The following BRSK1 variants were observed in gnomAD, a reference collection of about 807,000 sequenced individuals.
BRSK1 encodes the protein BR serine/threonine kinase 1.
BRSK1 carries 17 observed loss-of-function variants against 86.2 expected under a neutral mutation model. That is an observed-to-expected ratio of 0.20 (90% CI 0.14 to 0.30). The LOEUF is 0.30. BRSK1 is among the 10% of genes least tolerant of loss of function. The pLI is 1.00. For synonymous variants in BRSK1, 464 were observed against 440.1 expected (o/e 1.05, Z -0.68); for missense variants, 719 against 1,071.9 (o/e 0.67, Z 4.60).
At chr19:55,285,940 C>A (rs919796733) in intron 1 of BRSK1, among the ~76,000 whole-genome samples, 9 of 151,006 alleles carry the variant, frequency 6.0e-5, no homozygotes, top group Non-Finnish European at 1.2e-4. Context: ...AGGGGTCAGA[C>A]CTGGACTGGG....
At chr19:55,296,223 G>A (rs886069938) in intron 7 of BRSK1, among the ~76,000 whole-genome samples, 1 of 151,988 alleles carries the variant, frequency 6.6e-6, no homozygotes, top group Admixed American at 6.6e-5. Context: ...TTGTCGCTGT[G>A]CATTTTGTTG....
rs1367719980 is a variant in BRSK1, at chr19:55,284,098, G to A, written c.-345G>A. 7 of 321,276 alleles carry A rather than the reference G, an allele frequency of 2.2e-5. No homozygotes were observed. The highest frequency in any genetic ancestry group is 3.8e-5 in the Non-Finnish European group (7 of 183,242). 19.9% of individuals were successfully genotyped at this position (321,276 alleles called of 1,614,324 possible). On this transcript the variant is annotated 5_prime_UTR_variant, in exon 1 of 19. Coordinates refer to ENST00000309383, the MANE Select transcript of BRSK1 (RefSeq NM_032430.2). ...AGAGGGCGCGTGGGGGGGCGGGGGGGACCTCGGCCTGCAGCATCCGCCGGC... is the reference window on the plus strand; with the variant it reads ...AGAGGGCGCGTGGGGGGGCGGGGGGAACCTCGGCCTGCAGCATCCGCCGGC...
At chr19:55,288,583 T>C (rs1390771565) in intron 3 of BRSK1, among the ~76,000 whole-genome samples, 1 of 151,832 alleles carries the variant, frequency 6.6e-6, no homozygotes, top group Non-Finnish European at 1.5e-5. Flanking sequence ...TTGGGGGTTT[T>C]TTTGTTGTTT....
chr19:55,311,575 G>C (rs951257362), intron 18 of BRSK1, among the ~76,000 whole-genome samples: 3 of 152,174 alleles, frequency 2.0e-5, no homozygotes, highest in East Asian at 1.9e-4. Context: ...GTCCTGGCAG[G>C]CTGTTTCCTA....
rs770275427 is a variant in BRSK1 at position 55,304,600 on chromosome 19, G to A, written c.1397G>A (p.Arg466Gln). 7.0e-6 allele frequency: 11 copies of A among 1,578,786 alleles called. No homozygotes were observed. The highest frequency in any genetic ancestry group is 1.2e-5 in the South Asian group (1 of 86,806). ...GAGCCGGGGGCTGGAGATGAGGCTC[G>A]AGGCGGGGGCTCCCCGACTTCCAAA... The part of the protein sequence containing the change: ...SPEPGAGDEA[R>Q]GGGSPTSKTQ... The change falls in exon 14 of 19, where the codon CGA becomes CAA. Residue 466 changes from arginine to glutamine, a missense_variant. Physicochemically the swap from Arg to Gln is conservative, Grantham distance 43. Around this residue, in one of 6 missense-constraint regions of BRSK1, gnomAD observed 143 missense variants for 120.1 expected, o/e 1.19. Transcript: ENST00000309383. This position sits in a 1 kb window ranked among gnomAD's most constrained non-coding sequence, Gnocchi z 5.2.
Position 55,287,676 on chromosome 19 carries a change from C to T in BRSK1, c.317+377C>T, listed in dbSNP as rs1438181881. Among the ~76,000 whole-genome samples the T allele has an allele frequency of 6.6e-6, 1 of 152,248 alleles. No homozygotes were observed. Among genetic ancestry groups the T allele is most frequent in the Non-Finnish European group, 1.5e-5 (1 of 68,044 alleles). On this transcript the variant is annotated intron_variant, in intron 3 of 18. Transcript: ENST00000309383. This position sits in a 1 kb window ranked among gnomAD's most constrained non-coding sequence, Gnocchi z 5.3. ...AGGGGCCTAGCAAAGCCCAAAGGAT[C>T]TTCCCAAACCCCAACTCTGGAGCAC...
At chr19:55,301,443 T>TC in intron 7 of BRSK1, 69 bp from the exon 8 acceptor site, 1 of 1,548,500 alleles carries the variant, frequency 6.5e-7, no homozygotes, top group Non-Finnish European at 8.8e-7. Context: ...TCACCGTAGT[T>TC]CCCCACCTCC....
In BRSK1 at chr19:55,306,398, G is replaced by A. The variant is rs766099214; in HGVS notation, c.2037G>A (p.Arg679=). 2 of 1,613,924 alleles carry A rather than the reference G, an allele frequency of 1.2e-6. No individual in the cohort carries two copies. The highest frequency in any genetic ancestry group is 1.7e-6 in the Non-Finnish European group (2 of 1,180,048). The change falls in exon 17 of 19, where the codon CGG becomes CGA. Residue 679 remains arginine, a synonymous_variant. Coordinates refer to ENST00000309383, the MANE Select transcript of BRSK1 (RefSeq NM_032430.2). The surrounding 1 kb of genome is among the most constrained non-coding windows in gnomAD (Gnocchi z 4.7). ...AGGGTCCAGAGCCCTCCCCGCGACG[G>A]GACGGCAGCGGAGGTGGTGGCATCT... is the stretch of plus-strand genomic sequence containing the variant. ...SSEGPEPSPR[R]DGSGGGGIYS...
chr19:55,295,133 T>C (rs943067984), intron 7 of BRSK1, among the ~76,000 whole-genome samples: 1 of 150,106 alleles, frequency 6.7e-6, no homozygotes, highest in African/African-American at 2.4e-5. Flanking sequence ...TTTTTATTTT[T>C]ATTTTTTGAG....
In BRSK1 at chr19:55,294,155, G is replaced by A. The variant is rs201059652; in HGVS notation, c.575+22G>A. The A allele has an allele frequency of 1.5e-4, 242 of 1,611,402 alleles. No homozygotes were observed. In the East Asian group the frequency reaches 4.9e-3, roughly 33 times the overall value. On this transcript the variant is annotated intron_variant, in intron 5 of 18. Coordinates refer to ENST00000309383, the MANE Select transcript of BRSK1 (RefSeq NM_032430.2). The surrounding 1 kb of genome is among the most constrained non-coding windows in gnomAD (Gnocchi z 4.9). Reference sequence around the variant, plus strand: ...GCGGGTGAGTGGGGACTGGGCTCCCGAGACCCTGGGCAGGGGTTTAGAAGC... The same window carrying A: ...GCGGGTGAGTGGGGACTGGGCTCCCAAGACCCTGGGCAGGGGTTTAGAAGC...
At chr19:55,301,691 A>G in intron 8 of BRSK1, 33 bp downstream of exon 8, 2 of 1,572,422 alleles carry the variant, frequency 1.3e-6, no homozygotes, top group Non-Finnish European at 1.7e-6. Context: ...GGAGGGGGGA[A>G]CAGTGGCCGA....
intron 3 of BRSK1, among the ~76,000 whole-genome samples, chr19:55,288,574 TG>T (rs2088357870): frequency 6.6e-6 from 1 of 151,290 alleles, no homozygotes. Context: ...GAAGGGAGTT[TG>T]GGGGTTTTTT....
intron 7 of BRSK1, among the ~76,000 whole-genome samples, chr19:55,300,497 C>T (rs987507257): frequency 6.6e-6 from 1 of 151,824 alleles, no homozygotes; most frequent in Non-Finnish European, 1.5e-5. Flanking sequence ...GAGGTCAGGA[C>T]TTCAAGACCA....
At position 55,302,355 on chromosome 19, in the gene BRSK1, G is replaced by C. The variant is rs1055389419; in HGVS notation, c.857+187G>C. 1 of 713,028 alleles carries C rather than the reference G, an allele frequency of 1.4e-6. No homozygotes were observed. The allele number at this position is 713,028 out of a possible 1,614,324, so 44.2% of individuals were successfully genotyped here. On this transcript the variant is annotated intron_variant, in intron 9 of 18. Coordinates refer to ENST00000309383, the MANE Select transcript of BRSK1 (RefSeq NM_032430.2). This position sits in a 1 kb window ranked among gnomAD's most constrained non-coding sequence, Gnocchi z 6.3. ...GGAGTCTAGGGGTCAGAGGCAGGAGGGGCTAAGCTAGGAGTCCAGGACTCC... is the reference window on the plus strand; with the variant it reads ...GGAGTCTAGGGGTCAGAGGCAGGAGCGGCTAAGCTAGGAGTCCAGGACTCC...
chr19:55,303,404 T>A lies in BRSK1; in HGVS notation c.1122T>A (p.Asp374Glu), dbSNP rs754489426. ...CEDQDLPPRN[D>E]VDPPRKRVDS... ...ACCAGGACCTGCCTCCCCGGAATGA[T>A]GTTGGTGAGAAGGCAGGGCTAGGGG... The change falls in exon 11 of 19, where the codon GAT becomes GAA. Residue 374 changes from aspartate (D) to glutamate (E), a missense_variant. Transcript: ENST00000309383. The surrounding 1 kb of genome is among the most constrained non-coding windows in gnomAD (Gnocchi z 5.1). 6.2e-7 allele frequency: 1 copy of A among 1,613,652 alleles called. No homozygotes were observed. The highest frequency in any genetic ancestry group is 1.1e-5 in the South Asian group (1 of 91,078).
chr19:55,305,179 G>A, intron 14 of BRSK1, 142 bp from the exon 15 acceptor site: 2 of 1,266,452 alleles, frequency 1.6e-6, no homozygotes, highest in South Asian at 2.7e-5. Context: ...CGTGGTTTGT[G>A]AGCCCCGCCC....
At chr19:55,284,627 G>A (rs1311980161) in intron 1 of BRSK1, 49 bp downstream of exon 1, 1 of 1,260,212 alleles carries the variant, frequency 7.9e-7, no homozygotes, top group Non-Finnish European at 1.0e-6. Context: ...GGGTGGAGGT[G>A]GCGGCAGAGG....
intron 16 of BRSK1, 102 bp downstream of exon 16, chr19:55,305,688 G>T: frequency 3.3e-6 from 5 of 1,531,532 alleles, no homozygotes; most frequent in South Asian, 1.2e-5. Flanking sequence ...TTCCTCCTGG[G>T]GCTCATGGGA....
Position 55,302,087 on chromosome 19 carries a change from A to C in BRSK1, c.826-50A>C. 6 of 1,611,350 alleles carry C rather than the reference A, an allele frequency of 3.7e-6. No individual in the cohort carries two copies. The South Asian group carries it at 5.5e-5, about 15-fold the overall frequency. ...CCCCAGTCTTTCATTGCGCGCCTAC[A>C]TGTGCCTACGACCTCACTTCTGCTT... On this transcript the variant is annotated intron_variant, in intron 8 of 18. Transcript: ENST00000309383. The surrounding 1 kb of genome is among the most constrained non-coding windows in gnomAD (Gnocchi z 6.3).
Sources: gnomAD v4.1 joint callset for allele counts (sites outside exome capture counted in the v4.1 genomes callset) on GRCh38, gnomAD v4.1.1 for gene constraint, gnomAD v4.1.1 regional missense constraint, Gnocchi (gnomAD v3.1) non-coding constraint, MANE v1.5 for transcripts, NCBI Gene and HGNC (gene_info 2026-07-23, HGNC 2026-07-21) for gene names.